Variants in ARMC2 observed in about 807,000 individuals in gnomAD.
ARMC2 encodes armadillo repeat-containing protein 2.
In ARMC2, 67 loss-of-function variants were observed where a neutral mutation model predicts 90.3. That is an observed-to-expected ratio of 0.74 (90% CI 0.61 to 0.91). ARMC2 has a LOEUF of 0.91. ARMC2 is among the 40% of genes least tolerant of loss of function. ARMC2 has a pLI of 0.00. For missense variants in ARMC2, 920 were observed against 1,030.9 expected, an observed-to-expected ratio of 0.89 and a Z score of 1.47; for synonymous variants, 393 against 393.0, an observed-to-expected ratio of 1.00 and a Z score of 0.00.
At chr6:109,005,732 G>A in the ARMC2 span, among the ~76,000 whole-genome samples, 2 of 152,092 alleles carry the variant, frequency 1.3e-5, no homozygotes, top group Non-Finnish European at 2.9e-5. Context: ...CCAAATTGAA[G>A]AGTCCTAATC....
the ARMC2 span, among the ~76,000 whole-genome samples, chr6:108,991,915 A>G: frequency 6.6e-6 from 1 of 151,788 alleles, no homozygotes; most frequent in Non-Finnish European, 1.5e-5. Context: ...CCTTCACTCT[A>G]TCCCTCAACC....
intron 7 of ARMC2, among the ~76,000 whole-genome samples, chr6:108,902,278 T>C (rs1164707263): frequency 6.6e-6 from 1 of 152,220 alleles, no homozygotes; most frequent in African/African-American, 2.4e-5. Context: ...GTATAAAGGA[T>C]TGATTTGATC....
chr6:108,921,645 T>C (rs1393449567), intron 10 of ARMC2, among the ~76,000 whole-genome samples: 1 of 152,210 alleles, frequency 6.6e-6, no homozygotes, highest in Admixed American at 6.5e-5. Context: ...GGTTTTGGCA[T>C]ATATGTGGCC....
At chr6:108,935,580 T>A (rs1775892881) in intron 11 of ARMC2, among the ~76,000 whole-genome samples, 1 of 152,142 alleles carries the variant, frequency 6.6e-6, no homozygotes, top group African/African-American at 2.4e-5. Flanking sequence ...TAGCTGAGAC[T>A]ACAAGCATGC....
chr6:109,045,877 T>C, the ARMC2 span, among the ~76,000 whole-genome samples: 1 of 152,188 alleles, frequency 6.6e-6, no homozygotes, highest in Admixed American at 6.5e-5. Flanking sequence ...TAATACATGT[T>C]TCTGAAATAA....
chr6:109,010,301 C>T, the ARMC2 span, among the ~76,000 whole-genome samples: 1 of 152,174 alleles, frequency 6.6e-6, no homozygotes, highest in Non-Finnish European at 1.5e-5. Flanking sequence ...TTGTTGGGCC[C>T]AGAACCCAGA....
the ARMC2 span, chr6:109,002,443 G>C: frequency 1.1e-6 from 1 of 887,182 alleles, no homozygotes; most frequent in Non-Finnish European, 1.8e-6. Context: ...AACAGAGACA[G>C]GCTTGTTTTG....
In ARMC2 at chr6:108,869,533, A is replaced by G. The variant is rs571025632; in HGVS notation, c.463+538A>G. Among the ~76,000 whole-genome samples, 12 of 152,318 alleles carry G rather than the reference A, an allele frequency of 7.9e-5. No individual in the cohort carries two copies. In the East Asian group the frequency reaches 2.1e-3, roughly 27 times the overall value. ...AAAAAAGAAAAAAAAGAATATTAGG[A>G]TAAGTATTCCCTAGTGGATGGTTCA... On this transcript the variant is annotated intron_variant, in intron 4 of 17. Transcript: ENST00000392644.
At chr6:108,904,791 G>A (rs2128465110) in intron 8 of ARMC2, among the ~76,000 whole-genome samples, 1 of 152,242 alleles carries the variant, frequency 6.6e-6, no homozygotes, top group South Asian at 2.1e-4. Flanking sequence ...GGTTTCTCTT[G>A]GATGCTTGAT....
At chr6:108,965,212 C>A (rs1389608628) in intron 17 of ARMC2, 72 bp downstream of exon 17, 1 of 1,338,722 alleles carries the variant, frequency 7.5e-7, no homozygotes. Flanking sequence ...GTGACCTGTT[C>A]GGATAAATAT....
In ARMC2 at chr6:108,849,546, T is replaced by C. The variant is rs528945102; in HGVS notation, c.-44+1000T>C. Among the ~76,000 whole-genome samples, 42 of 152,342 alleles carry C rather than the reference T, an allele frequency of 2.8e-4. No individual in the cohort carries two copies. In the South Asian group the frequency reaches 5.0e-3, roughly 18 times the overall value. On this transcript the variant is annotated intron_variant, in intron 1 of 17. Coordinates refer to ENST00000392644, the MANE Select transcript of ARMC2 (RefSeq NM_032131.6). ...AAGTATAATAATAAAAAAAAACTTATGTATAGAAACACTGAACAAACGTCA... is the reference window on the plus strand; with the variant it reads ...AAGTATAATAATAAAAAAAAACTTACGTATAGAAACACTGAACAAACGTCA...
At chr6:108,989,095 T>C in the ARMC2 span, among the ~76,000 whole-genome samples, 4 of 152,160 alleles carry the variant, frequency 2.6e-5, no homozygotes, top group African/African-American at 7.2e-5. Flanking sequence ...CTCTGCTTCC[T>C]GGGTTCAAGC....
At chr6:109,032,356 C>T in the ARMC2 span, among the ~76,000 whole-genome samples, 2 of 152,102 alleles carry the variant, frequency 1.3e-5, no homozygotes, top group Non-Finnish European at 2.9e-5. Context: ...CAGTGGCTCA[C>T]GCCTGTAATC....
intron 10 of ARMC2, among the ~76,000 whole-genome samples, chr6:108,922,518 T>C (rs914536769): frequency 6.6e-6 from 1 of 152,192 alleles, no homozygotes; most frequent in Middle Eastern, 3.2e-3. Context: ...TTGAAATTGA[T>C]AATTAAGTAC....
intron 10 of ARMC2, among the ~76,000 whole-genome samples, 183 bp downstream of exon 10, chr6:108,912,741 C>G (rs1042484595): frequency 2.6e-5 from 4 of 152,206 alleles, no homozygotes; most frequent in African/African-American, 9.6e-5. Flanking sequence ...CCTGGACAGG[C>G]TATTCCATGG....
chr6:108,998,443 A>T, the ARMC2 span: 1 of 1,575,324 alleles, frequency 6.3e-7, no homozygotes, highest in Admixed American at 1.7e-5. Context: ...TAAGAAGCCA[A>T]CTGAAGAAAT....
chr6:108,953,437 G>T, intron 13 of ARMC2, 86 bp downstream of exon 13: 2 of 1,350,598 alleles, frequency 1.5e-6, no homozygotes, highest in South Asian at 1.5e-5. Context: ...GTGTGATGAG[G>T]ATTTTATTAT....
At chr6:108,851,799 TC>T (rs994062047) in intron 1 of ARMC2, among the ~76,000 whole-genome samples, 1 of 152,176 alleles carries the variant, frequency 6.6e-6, no homozygotes, top group African/African-American at 2.4e-5. Context: ...TTTAAAAGAT[TC>T]TATCCACCTT....
At chr6:108,992,867 A>C in the ARMC2 span, 2 of 1,613,498 alleles carry the variant, frequency 1.2e-6, no homozygotes, top group Non-Finnish European at 1.7e-6. Flanking sequence ...AAATGACGAG[A>C]TACAGCTCTT....
Sources: allele counts gnomAD v4.1 joint callset (sites outside exome capture counted in the v4.1 genomes callset), GRCh38; gene constraint gnomAD v4.1.1; transcripts MANE v1.5; gene names NCBI Gene and HGNC (gene_info 2026-07-23, HGNC 2026-07-21).